Variants in ORC5 observed in about 807,000 individuals in gnomAD.
ORC5 encodes origin recognition complex subunit 5.
Under a neutral mutation model 58.8 loss-of-function variants are expected in ORC5, and 39 were observed. The ratio of observed to expected loss-of-function variants is 0.66; its 90% CI spans 0.51 to 0.87. The LOEUF (loss-of-function observed/expected upper bound fraction) is 0.87. Ranked by LOEUF, ORC5 falls within the 40% of genes least tolerant of loss-of-function variation. ORC5 has a pLI of 0.00. For missense variants in ORC5, 493 were observed against 506.3 expected (o/e 0.97, Z 0.25); for synonymous variants, 218 against 177.6 (o/e 1.23, Z -1.81).
At chr7:104,147,856 T>TA (rs1438753450) in intron 12 of ORC5, among the ~76,000 whole-genome samples, 8 of 152,244 alleles carry the variant, frequency 5.3e-5, no homozygotes, top group Non-Finnish European at 8.8e-5. Flanking sequence ...AGACTACTGC[T>TA]ACTGTGAATA....
At chr7:104,174,707 T>C (rs1241145432) in intron 8 of ORC5, among the ~76,000 whole-genome samples, 2 of 152,214 alleles carry the variant, frequency 1.3e-5, no homozygotes, top group African/African-American at 4.8e-5. Context: ...GATCAGCAGC[T>C]TTCCAATAAG....
At chr7:104,198,517 T>C (rs1799855673) in intron 3 of ORC5, among the ~76,000 whole-genome samples, 1 of 152,128 alleles carries the variant, frequency 6.6e-6, no homozygotes, top group African/African-American at 2.4e-5. Flanking sequence ...GGGTATCTGG[T>C]GGAAGAAATT....
intron 12 of ORC5, among the ~76,000 whole-genome samples, chr7:104,150,231 G>C (rs1456785943): frequency 6.6e-6 from 1 of 152,166 alleles, no homozygotes; most frequent in African/African-American, 2.4e-5. Flanking sequence ...TACGTTCATA[G>C]GTTGTTATAT....
chr7:104,186,153 A>AAC (rs1799538206), intron 6 of ORC5, among the ~76,000 whole-genome samples: 1 of 152,180 alleles, frequency 6.6e-6, no homozygotes, highest in Non-Finnish European at 1.5e-5. Context: ...AATCAAAATA[A>AAC]ACAACTGACC....
At chr7:104,137,938 C>A (rs1168392890) in intron 12 of ORC5, among the ~76,000 whole-genome samples, 8 of 152,194 alleles carry the variant, frequency 5.3e-5, no homozygotes, top group African/African-American at 1.9e-4. Flanking sequence ...TCTAATTGAG[C>A]TAACACAAGC....
At position 104,155,839 on chromosome 7, in the gene ORC5, T is replaced by C. The variant is rs370194216; in HGVS notation, c.1149+5233A>G. Among the ~76,000 whole-genome samples the C allele has an allele frequency of 4.6e-5, 7 of 151,516 alleles. No individual in the cohort carries two copies. In the East Asian group the frequency reaches 9.7e-4, roughly 21 times the overall value. On this transcript the variant is annotated intron_variant, in intron 12 of 13. Transcript: ENST00000297431. Reference sequence around the variant, plus strand: ...ATGAGTAAGAGGAGACATAGAACTATAAAAAGAATGAAACAGATAATTCGG... The same window carrying C: ...ATGAGTAAGAGGAGACATAGAACTACAAAAAGAATGAAACAGATAATTCGG...
Position 104,173,838 on chromosome 7 carries a change from A to ATTTTTTTTTTTTTTTTTTTTTTT in ORC5, c.825-5314_825-5313insAAAAAAAAAAAAAAAAAAAAAAA, listed in dbSNP as rs746698932. Among the ~76,000 whole-genome samples the ATTTTTTTTTTTTTTTTTTTTTTT allele has an allele frequency of 4.9e-5, 6 of 122,756 alleles. 3 individuals carry two copies. 80.5% of individuals were successfully genotyped at this position (122,756 alleles called of 152,430 possible). On this transcript the variant is annotated intron_variant, in intron 8 of 13. Transcript: ENST00000297431. ...TTTAATCTGCATACCTGGGTTTAAA[A>ATTTTTTTTTTTTTTTTTTTTTTT]TTTTTTCTTTTTTTTTTTTTTTTTG...
At chr7:104,188,052 T>C (rs1799586687) in intron 6 of ORC5, 199 bp downstream of exon 6, 1 of 1,029,266 alleles carries the variant, frequency 9.7e-7, no homozygotes, top group African/African-American at 1.6e-5. Context: ...AAGTTTGTAC[T>C]AACCCACAGA....
Position 104,133,169 on chromosome 7 carries a change from G to T in ORC5, c.1262+3612C>A, listed in dbSNP as rs1271166606. Among the ~76,000 whole-genome samples, 1 of 152,106 alleles carries T rather than the reference G, an allele frequency of 6.6e-6. No homozygotes were observed. Among genetic ancestry groups the T allele is most frequent in the African/African-American group, 2.4e-5 (1 of 41,392 alleles). ...AACTACTGAATATTTTTAATGAGCA[G>T]GGTGACATTAAATTTTTATAAAATC... On this transcript the variant is annotated intron_variant, in intron 13 of 13. Coordinates refer to ENST00000297431, the MANE Select transcript of ORC5 (RefSeq NM_002553.4). This position sits in a 1 kb window ranked among gnomAD's most constrained non-coding sequence, Gnocchi z 4.7.
rs868258621 is a variant in ORC5 at position 104,138,561 on chromosome 7, T to C, written c.1150-1668A>G. The stretch of plus-strand genomic sequence containing the variant: ...GTCTCACTCCATTATCCATGCTGGA[T>C]TGCAGTGGCGCAATCATGGCTCACT... On this transcript the variant is annotated intron_variant, in intron 12 of 13. Coordinates refer to ENST00000297431, the MANE Select transcript of ORC5 (RefSeq NM_002553.4). This position sits in a 1 kb window ranked among gnomAD's most constrained non-coding sequence, Gnocchi z 4.7. 6.6e-6 allele frequency among the ~76,000 whole-genome samples: 1 copy of C among 152,032 alleles called. No homozygotes were observed. The highest frequency in any genetic ancestry group is 1.5e-5 in the Non-Finnish European group (1 of 67,974).
At chr7:104,149,282 T>C (rs945143638) in intron 12 of ORC5, among the ~76,000 whole-genome samples, 2 of 152,180 alleles carry the variant, frequency 1.3e-5, no homozygotes, top group Non-Finnish European at 2.9e-5. Flanking sequence ...CTTAATTATG[T>C]AGGTAAATAT....
At chr7:104,180,138 C>T (rs554056038) in intron 8 of ORC5, among the ~76,000 whole-genome samples, 198 of 152,236 alleles carry the variant, frequency 1.3e-3, no homozygotes, top group African/African-American at 4.4e-3. Flanking sequence ...TTTCTGTTTA[C>T]ACTCATAGTG....
chr7:104,142,023 A>G (rs1285205646), intron 12 of ORC5, among the ~76,000 whole-genome samples: 1 of 152,182 alleles, frequency 6.6e-6, no homozygotes, highest in Non-Finnish European at 1.5e-5. Context: ...TCAAAACAGT[A>G]TGGTAATGGC....
chr7:104,175,759 A>G (rs1799309538), intron 8 of ORC5, among the ~76,000 whole-genome samples: 1 of 151,984 alleles, frequency 6.6e-6, no homozygotes, highest in Admixed American at 6.5e-5. Context: ...CCACCCTGCT[A>G]AAACGCTTCC....
intron 12 of ORC5, among the ~76,000 whole-genome samples, chr7:104,150,347 G>T (rs1326915518): frequency 6.6e-6 from 1 of 152,036 alleles, no homozygotes; most frequent in East Asian, 1.9e-4. Context: ...TGAAATTTCA[G>T]TGTATGAGTT....
intron 12 of ORC5, among the ~76,000 whole-genome samples, chr7:104,142,229 A>T (rs911678372): frequency 2.6e-5 from 4 of 152,202 alleles, no homozygotes; most frequent in Admixed American, 2.6e-4. Context: ...CACCATACAC[A>T]AAAATTAATT....
intron 2 of ORC5, among the ~76,000 whole-genome samples, chr7:104,203,007 G>C (rs996479172): frequency 1.3e-5 from 2 of 152,152 alleles, no homozygotes; most frequent in East Asian, 3.9e-4. Context: ...TGCAAAACAG[G>C]GGGGCATCTG....
rs2891689 is a variant in ORC5, at chr7:104,188,223, T to C, written c.684+28A>G. ...ACACACACACACACACACACATATATATATATTCAAGCAAAATGTTCATTT... is the reference window on the plus strand; with the variant it reads ...ACACACACACACACACACACATATACATATATTCAAGCAAAATGTTCATTT... On this transcript the variant is annotated intron_variant, in intron 6 of 13. Coordinates refer to ENST00000297431, the MANE Select transcript of ORC5 (RefSeq NM_002553.4). The C allele has an allele frequency of 2.3e-3, 3,501 of 1,523,814 alleles. 85 individuals carry two copies. The African/African-American group carries it at 0.043, about 19-fold the overall frequency. The allele number at this position is 1,523,814 out of a possible 1,614,324, so 94.4% of individuals were successfully genotyped here.
chr7:104,158,254 G>C (rs1204953518), intron 12 of ORC5, among the ~76,000 whole-genome samples: 1 of 152,042 alleles, frequency 6.6e-6, no homozygotes, highest in Non-Finnish European at 1.5e-5. Flanking sequence ...AAATGGTGCT[G>C]GGAAAACTGG....
Sources: allele counts gnomAD v4.1 joint callset (sites outside exome capture counted in the v4.1 genomes callset), GRCh38; gene constraint gnomAD v4.1.1; non-coding constraint Gnocchi (gnomAD v3.1); transcripts MANE v1.5; gene names NCBI Gene and HGNC (gene_info 2026-07-23, HGNC 2026-07-21).